Variants in EYA2 observed in about 807,000 individuals in gnomAD.
The protein encoded by EYA2 is protein phosphatase EYA2.
EYA2 carries 31 observed loss-of-function variants against 69.2 expected under a neutral mutation model. The observed-to-expected ratio is 0.45, with a 90% confidence interval of 0.34 to 0.60. The LOEUF (loss-of-function observed/expected upper bound fraction) is 0.60, where lower values mean the gene tolerates loss of function less well. Among genes scored for constraint, EYA2 ranks in the 20% least tolerant of loss-of-function variants. The pLI, the probability that EYA2 is intolerant of heterozygous loss-of-function variation, is 0.02. For synonymous variants in EYA2, 257 were observed against 279.4 expected (o/e 0.92, Z 0.80); for missense variants, 622 against 701.2 (o/e 0.89, Z 1.28).
chr20:47,163,822 C>T (rs577492334), intron 10 of EYA2, among the ~76,000 whole-genome samples: 1 of 151,862 alleles, frequency 6.6e-6, no homozygotes, highest in East Asian at 1.9e-4. Context: ...TAGGTGTTTT[C>T]CAGTTTCTCA....
At position 47,172,870 on chromosome 20, in the gene EYA2, G is replaced by A; in HGVS notation, c.1198+3G>A. The A allele has an allele frequency of 6.2e-7, 1 of 1,605,910 alleles. No individual in the cohort carries two copies. Among genetic ancestry groups the A allele is most frequent in the Non-Finnish European group, 8.5e-7 (1 of 1,175,054 alleles). ...TACCTACAAGAACAACGTTGGTGGT[G>A]AGTACTGTGAGCCTTGGGCCTCCGA... On this transcript the variant is annotated splice_donor_region_variant and intron_variant, in intron 12 of 15. Transcript: ENST00000327619.
intron 10 of EYA2, chr20:47,161,028 G>A (rs1600756378): frequency 3.4e-6 from 1 of 298,298 alleles, no homozygotes; most frequent in East Asian, 8.8e-5. Context: ...TGGCCTTGGC[G>A]AAGTTTCCCA....
At chr20:47,046,745 C>A (rs1049891859) in intron 5 of EYA2, among the ~76,000 whole-genome samples, 12 of 148,546 alleles carry the variant, frequency 8.1e-5, no homozygotes, top group Admixed American at 7.3e-4. Context: ...AGTTCTGGAC[C>A]AGGTTTGACA....
intron 1 of EYA2, among the ~76,000 whole-genome samples, chr20:46,895,878 C>T (rs1446394012): frequency 6.6e-6 from 1 of 152,208 alleles, no homozygotes; most frequent in Non-Finnish European, 1.5e-5. Flanking sequence ...GCGCCTTTTG[C>T]AGTGCGAGGT....
intron 5 of EYA2, among the ~76,000 whole-genome samples, chr20:47,018,325 T>C (rs1040604822): frequency 6.6e-6 from 1 of 151,832 alleles, no homozygotes; most frequent in East Asian, 1.9e-4. Context: ...ATTCATTCCG[T>C]ATGTTGAGCA....
At chr20:47,115,878 G>A (rs969449281) in intron 9 of EYA2, among the ~76,000 whole-genome samples, 1 of 152,166 alleles carries the variant, frequency 6.6e-6, no homozygotes, top group Non-Finnish European at 1.5e-5. Context: ...CTTTCACCTT[G>A]ATCTCTTTCA....
intron 5 of EYA2, among the ~76,000 whole-genome samples, chr20:47,029,842 A>G (rs1325221012): frequency 6.6e-6 from 1 of 152,220 alleles, no homozygotes; most frequent in African/African-American, 2.4e-5. Flanking sequence ...ACATATTACA[A>G]TAGCATTCTT....
At chr20:46,998,936 G>A (rs927955330) in intron 2 of EYA2, among the ~76,000 whole-genome samples, 1 of 152,224 alleles carries the variant, frequency 6.6e-6, no homozygotes, top group Non-Finnish European at 1.5e-5. Context: ...GGTTGCTGGG[G>A]TGGGAAAGGG....
chr20:47,001,396 A>C, intron 2 of EYA2, 32 bp from the exon 3 acceptor site: 1 of 1,610,360 alleles, frequency 6.2e-7, no homozygotes, highest in Non-Finnish European at 8.5e-7. Context: ...CTAATCGCTA[A>C]AACTCTTCCA....
At chr20:46,989,322 G>A (rs1280929764) in intron 1 of EYA2, among the ~76,000 whole-genome samples, 2 of 152,130 alleles carry the variant, frequency 1.3e-5, no homozygotes, top group Non-Finnish European at 2.9e-5. Flanking sequence ...CTGGAGTGCA[G>A]TGGCGCAGTC....
At chr20:47,121,714 C>A (rs1358695359) in intron 9 of EYA2, among the ~76,000 whole-genome samples, 2 of 152,138 alleles carry the variant, frequency 1.3e-5, no homozygotes, top group East Asian at 3.9e-4. Flanking sequence ...TTGCATGGGT[C>A]ATCTCCTTGG....
intron 8 of EYA2, among the ~76,000 whole-genome samples, chr20:47,090,308 C>T (rs1465833857): frequency 1.3e-5 from 2 of 149,600 alleles, no homozygotes; most frequent in East Asian, 2.0e-4. Context: ...GGCACAATCT[C>T]GGCTCACCGC....
chr20:47,013,116 A>G (rs764815067), intron 4 of EYA2, among the ~76,000 whole-genome samples: 6 of 152,192 alleles, frequency 3.9e-5, no homozygotes, highest in Non-Finnish European at 8.8e-5. Context: ...TTACCAGACA[A>G]TTTTTGAGCA....
At chr20:47,096,946 T>G in intron 8 of EYA2, 139 bp from the exon 9 acceptor site, 1 of 670,718 alleles carries the variant, frequency 1.5e-6, no homozygotes. Flanking sequence ...TCATGACACA[T>G]CAGTGAGTTA....
chr20:46,945,685 T>G (rs1288649472), intron 1 of EYA2, among the ~76,000 whole-genome samples: 1 of 152,226 alleles, frequency 6.6e-6, no homozygotes, highest in Non-Finnish European at 1.5e-5. Context: ...GAATCTGCCT[T>G]TCACCTCTGT....
chr20:47,078,802 G>T (rs1240586681), intron 7 of EYA2, among the ~76,000 whole-genome samples: 1 of 152,200 alleles, frequency 6.6e-6, no homozygotes, highest in Non-Finnish European at 1.5e-5. Flanking sequence ...TTTGCCAAGA[G>T]AAGAAGAATT....
intron 9 of EYA2, among the ~76,000 whole-genome samples, chr20:47,141,881 T>C (rs1301768765): frequency 6.6e-6 from 1 of 152,216 alleles, no homozygotes; most frequent in Non-Finnish European, 1.5e-5. Flanking sequence ...GTGCTCCTTC[T>C]TGTAGCACAT....
intron 1 of EYA2, among the ~76,000 whole-genome samples, chr20:46,961,706 C>T (rs759039772): frequency 1.3e-5 from 2 of 152,180 alleles, no homozygotes; most frequent in African/African-American, 4.8e-5. Context: ...AGGAACAAAT[C>T]CTGCCATTCT....
At chr20:47,174,453 G>A (rs1463886355) in intron 12 of EYA2, among the ~76,000 whole-genome samples, 1 of 152,226 alleles carries the variant, frequency 6.6e-6, no homozygotes, top group African/African-American at 2.4e-5. Flanking sequence ...CTGATACACA[G>A]CGGGAACTCA....
Sources: allele counts gnomAD v4.1 joint callset (sites outside exome capture counted in the v4.1 genomes callset), GRCh38; gene constraint gnomAD v4.1.1; transcripts MANE v1.5; gene names NCBI Gene and HGNC (gene_info 2026-07-23, HGNC 2026-07-21).